Variants in MGAT4C observed in about 807,000 individuals in gnomAD.
The protein encoded by MGAT4C is alpha-1,3-mannosyl-glycoprotein 4-beta-N-acetylglucosaminyltransferase C.
A neutral mutation model predicts 40.1 loss-of-function variants in MGAT4C; 19 were observed. That is an observed-to-expected ratio of 0.47 (90% CI 0.33 to 0.70). MGAT4C has a LOEUF of 0.70. MGAT4C is among the 30% of genes least tolerant of loss of function. The pLI is 0.02. For synonymous variants in MGAT4C, 181 were observed against 187.1 expected, an observed-to-expected ratio of 0.97 and a Z score of 0.27; for missense variants, 491 against 563.2, an observed-to-expected ratio of 0.87 and a Z score of 1.30.
At chr12:86,142,684 A>ACAATAAC (rs1882994538) in intron 1 of MGAT4C, among the ~76,000 whole-genome samples, 1 of 151,586 alleles carries the variant, frequency 6.6e-6, no homozygotes, top group South Asian at 2.1e-4. Flanking sequence ...ATAGGTAGGG[A>ACAATAAC]TGGAGAGAGG....
intron 3 of MGAT4C, among the ~76,000 whole-genome samples, chr12:86,347,141 T>C (rs1955053771): frequency 6.6e-6 from 1 of 152,136 alleles, no homozygotes; most frequent in Non-Finnish European, 1.5e-5. Context: ...GGTGGGACTT[T>C]ACCTGTTATC....
chr12:86,035,072 C>A (rs1389292612), intron 2 of MGAT4C, among the ~76,000 whole-genome samples: 1 of 150,012 alleles, frequency 6.7e-6, no homozygotes, highest in East Asian at 1.9e-4. Flanking sequence ...ACAGTGATTT[C>A]TAACCCTTTG....
intron 2 of MGAT4C, among the ~76,000 whole-genome samples, chr12:86,036,116 G>A (rs1447490785): frequency 2.7e-5 from 4 of 149,998 alleles, no homozygotes; most frequent in Non-Finnish European, 6.0e-5. Context: ...TGTGATGAAA[G>A]TCAATGGTCG....
chr12:86,517,246 T>C (rs925693086), intron 2 of MGAT4C, among the ~76,000 whole-genome samples: 12 of 152,180 alleles, frequency 7.9e-5, no homozygotes, highest in Admixed American at 2.6e-4. Context: ...CTAAAGACCA[T>C]TGAATTGTAC....
chr12:86,677,508 T>C (rs1186449292), intron 2 of MGAT4C, among the ~76,000 whole-genome samples: 1 of 152,160 alleles, frequency 6.6e-6, no homozygotes, highest in Non-Finnish European at 1.5e-5. Flanking sequence ...AGAATCATCA[T>C]TTTAAACATC....
intron 1 of MGAT4C, chr12:86,745,169 TAA>T (rs1951133960): frequency 6.6e-6 from 1 of 151,266 alleles, no homozygotes; most frequent in African/African-American, 2.4e-5. Flanking sequence ...CTGTGCAAAA[TAA>T]AGTTTTTTTT....
At chr12:86,068,586 A>G (rs1894783537) in intron 1 of MGAT4C, 1 of 147,294 alleles carries the variant, frequency 6.8e-6, no homozygotes, top group Non-Finnish European at 1.5e-5. Flanking sequence ...AAATATAAGC[A>G]TAGCATATTT....
At position 86,309,484 on chromosome 12, in the gene MGAT4C, C is replaced by T. The variant is rs545228021; in HGVS notation, c.-57+24581G>A. 9.2e-5 allele frequency among the ~76,000 whole-genome samples: 14 copies of T among 151,944 alleles called. No homozygotes were observed. In the East Asian group the frequency reaches 1.8e-3, roughly 19 times the overall value. On this transcript the variant is annotated intron_variant, in intron 4 of 7. Transcript: ENST00000548651. ...ATAGTGGAGGGAAAGAAGGTGAGGACGGGGGGCAAACTCATCCTTTAATCA... is the reference window on the plus strand; with the variant it reads ...ATAGTGGAGGGAAAGAAGGTGAGGATGGGGGGCAAACTCATCCTTTAATCA...
At chr12:86,342,455 T>C (rs1036783277) in intron 3 of MGAT4C, among the ~76,000 whole-genome samples, 5 of 152,178 alleles carry the variant, frequency 3.3e-5, no homozygotes, top group African/African-American at 9.6e-5. Flanking sequence ...GCAGTGGAAC[T>C]GCCCTTGCCA....
chr12:86,511,136 ACTAT>A (rs1186806027), intron 2 of MGAT4C, among the ~76,000 whole-genome samples: 1 of 152,008 alleles, frequency 6.6e-6, no homozygotes, highest in Non-Finnish European at 1.5e-5. Flanking sequence ...ATTATAACAA[ACTAT>A]CTCTCAGACC....
At chr12:86,522,249 T>C (rs889818373) in intron 2 of MGAT4C, among the ~76,000 whole-genome samples, 3 of 152,178 alleles carry the variant, frequency 2.0e-5, no homozygotes, top group Admixed American at 6.5e-5. Context: ...TTATCATATA[T>C]GGCTCTTATT....
At chr12:86,770,848 T>C in intron 1 of MGAT4C, among the ~76,000 whole-genome samples, 1 of 152,284 alleles carries the variant, frequency 6.6e-6, no homozygotes, top group Admixed American at 6.5e-5. Context: ...AATCTTTAGT[T>C]ATAAGATATA....
At chr12:86,288,279 T>C (rs1162544449) in intron 4 of MGAT4C, among the ~76,000 whole-genome samples, 1 of 152,222 alleles carries the variant, frequency 6.6e-6, no homozygotes, top group Non-Finnish European at 1.5e-5. Flanking sequence ...GCAAAATTTT[T>C]CTCCCATTCT....
chr12:86,215,353 C>T (rs953196608), intron 1 of MGAT4C, among the ~76,000 whole-genome samples: 1 of 152,104 alleles, frequency 6.6e-6, no homozygotes, highest in African/African-American at 2.4e-5. Context: ...GGTATCTTTG[C>T]AATTTTCATG....
At chr12:86,401,740 T>G (rs988405896) in intron 3 of MGAT4C, among the ~76,000 whole-genome samples, 1 of 152,128 alleles carries the variant, frequency 6.6e-6, no homozygotes, top group Non-Finnish European at 1.5e-5. Flanking sequence ...AGAAATAAAG[T>G]TTTTGGAAGA....
At chr12:86,648,396 G>A (rs376506488) in intron 2 of MGAT4C, among the ~76,000 whole-genome samples, 7 of 151,984 alleles carry the variant, frequency 4.6e-5, no homozygotes, top group African/African-American at 1.7e-4. Flanking sequence ...AGTCTACAAT[G>A]TAATATTATT....
intron 2 of MGAT4C, among the ~76,000 whole-genome samples, chr12:86,023,378 G>T (rs1240769725): frequency 6.6e-6 from 1 of 151,522 alleles, no homozygotes; most frequent in Non-Finnish European, 1.5e-5. Context: ...ACCAAGAATG[G>T]AGAGACTATG....
chr12:86,493,209 C>G (rs1958172636), intron 2 of MGAT4C, among the ~76,000 whole-genome samples: 1 of 150,686 alleles, frequency 6.6e-6, no homozygotes, highest in African/African-American at 2.5e-5. Context: ...GGACTGTAAA[C>G]TAGTTTAACC....
intron 1 of MGAT4C, among the ~76,000 whole-genome samples, chr12:86,107,715 C>G (rs552052632): frequency 6.6e-6 from 1 of 152,176 alleles, no homozygotes; most frequent in East Asian, 1.9e-4. Flanking sequence ...ATTACCTTTT[C>G]TGGTTACTGG....
Sources: gnomAD v4.1 joint callset for allele counts (sites outside exome capture counted in the v4.1 genomes callset) on GRCh38, gnomAD v4.1.1 for gene constraint, MANE v1.5 for transcripts, NCBI Gene and HGNC (gene_info 2026-07-23, HGNC 2026-07-21) for gene names.